Variants in CSE1L observed in about 807,000 individuals in gnomAD.
CSE1L encodes the protein chromosome segregation 1 like.
In CSE1L, 24 loss-of-function variants were observed where a neutral mutation model predicts 120.4. The ratio of observed to expected loss-of-function variants is 0.20; its 90% confidence interval spans 0.14 to 0.28. CSE1L has a LOEUF of 0.28. Among genes scored for constraint, CSE1L ranks in the 10% least tolerant of loss-of-function variants. The probability of loss-of-function intolerance (pLI) is 1.00; values close to 1 mark genes in which losing one functional copy is unlikely to be tolerated. For synonymous variants in CSE1L, 402 were observed against 398.3 expected (o/e 1.01, Z -0.11); for missense variants, 830 against 1,145.2 (o/e 0.72, Z 3.97).
intron 22 of CSE1L, 136 bp downstream of exon 22, chr20:49,092,263 T>G: frequency 1.8e-6 from 1 of 564,106 alleles, no homozygotes; most frequent in Non-Finnish European, 3.1e-6. Flanking sequence ...CAAAATATTC[T>G]TAGGTATTGG....
chr20:49,056,344 T>C (rs1039979767), intron 1 of CSE1L, among the ~76,000 whole-genome samples: 7 of 152,148 alleles, frequency 4.6e-5, no homozygotes, highest in Non-Finnish European at 2.9e-5. Context: ...CCTCAGGTGA[T>C]CCACCCCCCT....
chr20:49,059,558 T>G (rs995129533), intron 2 of CSE1L, among the ~76,000 whole-genome samples: 11 of 152,152 alleles, frequency 7.2e-5, no homozygotes, highest in African/African-American at 2.4e-4. Flanking sequence ...TGAAGTGCCC[T>G]CATTTTTAAA....
chr20:49,051,206 A>G (rs1298031070), intron 1 of CSE1L, among the ~76,000 whole-genome samples: 1 of 152,214 alleles, frequency 6.6e-6, no homozygotes, highest in Non-Finnish European at 1.5e-5. Context: ...TCTTTTAGAT[A>G]GGATGGTGCA....
chr20:49,094,031 TG>T, intron 22 of CSE1L, 108 bp from the exon 23 acceptor site: 1 of 733,202 alleles, frequency 1.4e-6, no homozygotes, highest in Middle Eastern at 4.0e-4. Context: ...ACAGCAGTCT[TG>T]TTATTTAGTA....
chr20:49,049,135 A>G (rs894778966), intron 1 of CSE1L, among the ~76,000 whole-genome samples: 6 of 152,158 alleles, frequency 3.9e-5, no homozygotes, highest in Non-Finnish European at 8.8e-5. Flanking sequence ...TTAATTGTGT[A>G]TTGGTAGAGA....
chr20:49,081,563 A>G (rs992347372), intron 14 of CSE1L, among the ~76,000 whole-genome samples: 2 of 152,188 alleles, frequency 1.3e-5, no homozygotes, highest in African/African-American at 4.8e-5. Flanking sequence ...TGCAGTTTTA[A>G]TTTACGTTTG....
rs1361857266 is a variant in CSE1L, at chr20:49,075,464, A to G, written c.1279A>G (p.Lys427Glu). 2 of 1,614,056 alleles carry G rather than the reference A, an allele frequency of 1.2e-6. No homozygotes were observed. The highest frequency in any genetic ancestry group is 2.2e-5 in the East Asian group (1 of 44,888). The change falls in exon 12 of 25, where the codon AAA becomes GAA. Residue 427 changes from lysine to glutamate, a missense_variant. This residue lies in a region of CSE1L where 543 missense variants were observed against 640.2 expected (regional missense o/e 0.85). Coordinates refer to ENST00000262982, the MANE Select transcript of CSE1L (RefSeq NM_001316.4). ...AKNPSVNWKH[K>E]DAAIYLVTSL... The stretch of plus-strand genomic sequence containing the variant: ...AAATCCATCTGTCAACTGGAAACAC[A>G]AAGATGCAGCCATCTACCTAGTGAC...
chr20:49,057,630 T>G (rs2091819300), intron 1 of CSE1L, among the ~76,000 whole-genome samples: 1 of 151,866 alleles, frequency 6.6e-6, no homozygotes, highest in Admixed American at 6.6e-5. Flanking sequence ...TTTTTTGGGT[T>G]GGTTGGTTGG....
At chr20:49,061,486 A>ATTTAT (rs55830077) in intron 2 of CSE1L, among the ~76,000 whole-genome samples, 1,406 of 132,926 alleles carry the variant, frequency 0.011, 20 homozygotes, top group East Asian at 0.066. Context: ...AATTATTATT[A>ATTTAT]TTATTTATTT....
chr20:49,063,728 A>G (rs549654214), intron 3 of CSE1L, among the ~76,000 whole-genome samples: 116 of 152,316 alleles, frequency 7.6e-4, no homozygotes, highest in African/African-American at 2.5e-3. Context: ...TGCTTTACTC[A>G]CCGCCTACTG....
chr20:49,074,741 G>T, intron 10 of CSE1L, 44 bp from the exon 11 acceptor site: 1 of 1,527,730 alleles, frequency 6.5e-7, no homozygotes, highest in South Asian at 1.2e-5. Context: ...AAAGTACAGT[G>T]ACGTCTTTTG....
intron 1 of CSE1L, among the ~76,000 whole-genome samples, chr20:49,049,883 C>T (rs1363153706): frequency 6.6e-6 from 1 of 152,068 alleles, no homozygotes; most frequent in East Asian, 1.9e-4. Context: ...AAAAATTAGC[C>T]AGGTGTGGTG....
chr20:49,096,181 T>G, intron 24 of CSE1L, 168 bp from the exon 25 acceptor site: 1 of 709,356 alleles, frequency 1.4e-6, no homozygotes, highest in Non-Finnish European at 2.6e-6. Flanking sequence ...TTTAGACCTA[T>G]TTTTGAAGGC....
intron 6 of CSE1L, among the ~76,000 whole-genome samples, chr20:49,068,099 A>G (rs183351920): frequency 6.6e-6 from 1 of 152,242 alleles, no homozygotes; most frequent in African/African-American, 2.4e-5. Context: ...AATTGGAAAC[A>G]ACCTAAATAC....
At position 49,066,106 on chromosome 20, in the gene CSE1L, TAAAA is replaced by T. The variant is rs1491311369; in HGVS notation, c.229-82_229-79del. 2.6e-6 allele frequency: 3 copies of T among 1,147,164 alleles called. No homozygotes were observed. In the African/African-American group the frequency reaches 4.7e-5, roughly 18 times the overall value. 71.1% of individuals were successfully genotyped at this position (1,147,164 alleles called of 1,614,324 possible). ...TTTGTTTTCTTAGAAAATTAGTAAA[TAAAA>T]AAACAGTTATGTTTTACCTAAAATC... On this transcript the variant is annotated intron_variant, in intron 3 of 24. Transcript: ENST00000262982.
Position 49,072,717 on chromosome 20 carries a change from A to G in CSE1L, c.1066+20A>G, listed in dbSNP as rs75006456. The G allele has an allele frequency of 6.3e-7, 1 of 1,590,026 alleles. No individual in the cohort carries two copies. The highest frequency in any genetic ancestry group is 8.5e-7 in the Non-Finnish European group (1 of 1,169,992). ...TTAGAGGTAATTATGGCAAAAGTAT[A>G]TTAGTATAAATCTACTAAGTCTGTG... On this transcript the variant is annotated intron_variant, in intron 10 of 24. Transcript: ENST00000262982.
At chr20:49,091,142 GC>G in intron 21 of CSE1L, 120 bp downstream of exon 21, 1 of 743,356 alleles carries the variant, frequency 1.3e-6, no homozygotes, top group Non-Finnish European at 2.2e-6. Context: ...AAAATACTTG[GC>G]CACGTGTGGA....
At chr20:49,067,578 T>C (rs1416049735) in intron 6 of CSE1L, among the ~76,000 whole-genome samples, 1 of 152,136 alleles carries the variant, frequency 6.6e-6, no homozygotes, top group Non-Finnish European at 1.5e-5. Flanking sequence ...TATGTGTCTC[T>C]AAAGGAAGAA....
intron 13 of CSE1L, among the ~76,000 whole-genome samples, chr20:49,077,778 G>GA (rs1485519125): frequency 2.0e-5 from 3 of 152,146 alleles, no homozygotes; most frequent in Non-Finnish European, 4.4e-5. Flanking sequence ...GACTGAGGCG[G>GA]GAGGATCGTG....
Sources: allele counts gnomAD v4.1 joint callset (sites outside exome capture counted in the v4.1 genomes callset), GRCh38; gene constraint gnomAD v4.1.1; regional missense constraint gnomAD v4.1.1; transcripts MANE v1.5; gene names NCBI Gene and HGNC (gene_info 2026-07-23, HGNC 2026-07-21).